EPYC: variants seen among roughly 807,000 people sequenced by gnomAD.
The protein encoded by EPYC is dermatan sulfate proteoglycan 3.
EPYC carries 28 observed loss-of-function variants against 30.1 expected under a neutral mutation model. The observed-to-expected ratio is 0.93, with a 90% CI of 0.69 to 1.28. The LOEUF is 1.28. Among genes scored for constraint, EPYC ranks in the 50% most tolerant of loss-of-function variants. The pLI is 0.00. For synonymous variants in EPYC, 144 were observed against 141.4 expected (o/e 1.02, Z -0.13); for missense variants, 382 against 383.5 (o/e 1.00, Z 0.03).
intron 2 of EPYC, among the ~76,000 whole-genome samples, chr12:90,979,201 C>T (rs1000960374): frequency 2.0e-5 from 3 of 152,036 alleles, no homozygotes; most frequent in Admixed American, 1.3e-4. Context: ...CTGACGGTCT[C>T]GTAAGCTTGG....
At position 90,982,023 on chromosome 12, in the gene EPYC, A is replaced by G. The variant is rs539817499; in HGVS notation, c.166-3761T>C. ...AGGTGAATGTGTGAATTTGTAAATG[A>G]TGGAAGGTTTGCCAGTCTTTATAAT... is the stretch of plus-strand genomic sequence containing the variant. On this transcript the variant is annotated intron_variant, in intron 2 of 6. Transcript: ENST00000261172. Among the ~76,000 whole-genome samples, 26 of 152,282 alleles carry G rather than the reference A, an allele frequency of 1.7e-4. No homozygotes were observed. The East Asian group carries it at 4.6e-3, about 27-fold the overall frequency.
At chr12:90,985,659 A>T (rs138342761) in intron 2 of EPYC, among the ~76,000 whole-genome samples, 76 of 151,158 alleles carry the variant, frequency 5.0e-4, no homozygotes, top group Middle Eastern at 3.5e-3. Flanking sequence ...TTTACAAAAG[A>T]TTGTCCAACG....
At chr12:90,965,883 C>T (rs1013805818) in intron 6 of EPYC, among the ~76,000 whole-genome samples, 1 of 151,896 alleles carries the variant, frequency 6.6e-6, no homozygotes, top group Admixed American at 6.6e-5. Context: ...AATTTTGTGA[C>T]TATTATAAAC....
chr12:90,971,861 G>A lies in EPYC; in HGVS notation c.641C>T (p.Thr214Ile), dbSNP rs1213943471. 1 of 1,612,372 alleles carries A rather than the reference G, an allele frequency of 6.2e-7. No homozygotes were observed. Among genetic ancestry groups the A allele is most frequent in the Non-Finnish European group, 8.5e-7 (1 of 1,179,332 alleles). Reference sequence around the variant, plus strand: ...TCTATTGTTGCTAATATCAATAAATGTCAAAGTGGTTGGCAATTCTGGGAG... The same window carrying A: ...TCTATTGTTGCTAATATCAATAAATATCAAAGTGGTTGGCAATTCTGGGAG... ...RQLPELPTTL[T>I]FIDISNNRLG... Residue 214 changes from threonine to isoleucine, a missense_variant, in exon 5 of 7, where the codon ACA (threonine) becomes ATA (isoleucine). Transcript: ENST00000261172.
At chr12:90,993,025 A>C (rs972262863) in intron 2 of EPYC, among the ~76,000 whole-genome samples, 7 of 151,504 alleles carry the variant, frequency 4.6e-5, no homozygotes, top group Non-Finnish European at 8.8e-5. Context: ...ATAAAAACTG[A>C]CTAACATCTG....
intron 2 of EPYC, among the ~76,000 whole-genome samples, chr12:91,000,360 C>T (rs1877794130): frequency 1.3e-5 from 2 of 151,620 alleles, no homozygotes; most frequent in African/African-American, 4.8e-5. Context: ...GTTGTTGTTC[C>T]AGAAAACACA....
chr12:91,003,267 C>A (rs1877873957), intron 1 of EPYC, among the ~76,000 whole-genome samples: 1 of 151,866 alleles, frequency 6.6e-6, no homozygotes, highest in African/African-American at 2.4e-5. Flanking sequence ...GTATTTCATG[C>A]AATATTGTTC....
chr12:90,984,042 ACTCTTCCAACCCTGGAGATCCCATCC>A (rs1877387964), intron 2 of EPYC, among the ~76,000 whole-genome samples: 1 of 151,808 alleles, frequency 6.6e-6, no homozygotes, highest in African/African-American at 2.4e-5. Flanking sequence ...AAAAGGCATC[ACTCTTCCAACCCTGGAGATCCCATCC>A]CTCCCTCAGG....
At chr12:91,001,484 T>G (rs992313597) in intron 2 of EPYC, among the ~76,000 whole-genome samples, 4 of 152,158 alleles carry the variant, frequency 2.6e-5, no homozygotes, top group Admixed American at 6.6e-5. Flanking sequence ...TTTCAAGGTC[T>G]GTTTGCTTTC....
intron 2 of EPYC, among the ~76,000 whole-genome samples, chr12:90,999,467 G>T (rs1232638138): frequency 6.6e-6 from 1 of 151,924 alleles, no homozygotes; most frequent in African/African-American, 2.4e-5. Flanking sequence ...GCTGAAACAG[G>T]CAGAAACACA....
At chr12:90,974,514 A>G (rs7314350) in intron 3 of EPYC, among the ~76,000 whole-genome samples, 134,615 of 152,018 alleles carry the variant, frequency 0.89, 59,615 homozygotes, top group South Asian at 0.95. Context: ...AGTGATTAAC[A>G]TGGAAGGAAT....
intron 3 of EPYC, among the ~76,000 whole-genome samples, chr12:90,973,820 G>T (rs1355644859): frequency 6.6e-6 from 1 of 152,110 alleles, no homozygotes; most frequent in Non-Finnish European, 1.5e-5. Context: ...TTCCCATAAG[G>T]ATGGGCAGAG....
At position 90,972,837 on chromosome 12, in the gene EPYC, C is replaced by A; in HGVS notation, c.484G>T (p.Asp162Tyr). 1 of 1,613,344 alleles carries A rather than the reference C, an allele frequency of 6.2e-7. No individual in the cohort carries two copies. The highest frequency in any genetic ancestry group is 2.2e-5 in the East Asian group (1 of 44,802). Residue 162 changes from aspartate to tyrosine, a missense_variant, in exon 4 of 7, where the codon GAC becomes TAC. Physicochemically the swap from Asp to Tyr is radical, Grantham distance 160. Coordinates refer to ENST00000261172, the MANE Select transcript of EPYC (RefSeq NM_004950.5). ...TCATCCATACTTAGGCTTGCAAAGT[C>A]ATTTTTGTTGATCTTTTTAATTCTG... Reference protein sequence around the residue: ...FNRIKKINKNDFASLSDLKRI... With the variant: ...FNRIKKINKNYFASLSDLKRI...
At chr12:90,999,378 A>G (rs1323850091) in intron 2 of EPYC, among the ~76,000 whole-genome samples, 1 of 152,144 alleles carries the variant, frequency 6.6e-6, no homozygotes, top group Non-Finnish European at 1.5e-5. Context: ...TACATATGTT[A>G]AAGGCATTGT....
chr12:90,986,721 C>A (rs528127631), intron 2 of EPYC, among the ~76,000 whole-genome samples: 85 of 152,226 alleles, frequency 5.6e-4, no homozygotes, highest in African/African-American at 2.0e-3. Flanking sequence ...TGAGTCAACC[C>A]AGTGCAAACC....
intron 2 of EPYC, among the ~76,000 whole-genome samples, chr12:90,993,110 G>A (rs1202603370): frequency 6.6e-6 from 1 of 152,120 alleles, no homozygotes; most frequent in Admixed American, 6.6e-5. Context: ...TAGATCCTCT[G>A]TTGATCCCTT....
At chr12:90,982,171 A>C (rs573361839) in intron 2 of EPYC, among the ~76,000 whole-genome samples, 1 of 152,298 alleles carries the variant, frequency 6.6e-6, no homozygotes, top group East Asian at 1.9e-4. Context: ...TGCCATCATC[A>C]CCATTATCTA....
intron 2 of EPYC, among the ~76,000 whole-genome samples, chr12:90,992,122 G>C (rs906965025): frequency 6.6e-6 from 1 of 152,158 alleles, no homozygotes; most frequent in South Asian, 2.1e-4. Context: ...TTCTGCCTCA[G>C]ATCATCAGGC....
intron 2 of EPYC, among the ~76,000 whole-genome samples, chr12:90,999,726 G>A (rs1490551133): frequency 6.6e-6 from 1 of 152,018 alleles, no homozygotes; most frequent in Admixed American, 6.6e-5. Context: ...TTCATGTCAT[G>A]AGTAACTCTA....
Sources: gnomAD v4.1 joint callset for allele counts (sites outside exome capture counted in the v4.1 genomes callset) on GRCh38, gnomAD v4.1.1 for gene constraint, MANE v1.5 for transcripts, NCBI Gene and HGNC (gene_info 2026-07-23, HGNC 2026-07-21) for gene names.